Variants in NAALADL2 observed in about 807,000 individuals in gnomAD.
The protein encoded by NAALADL2 is N-acetylated alpha-linked acidic dipeptidase like 2.
A neutral mutation model predicts 87.2 loss-of-function variants in NAALADL2; 76 were observed. That is an observed-to-expected ratio of 0.87 (90% CI 0.72 to 1.05). NAALADL2 has a LOEUF of 1.05. Ranked by LOEUF, NAALADL2 falls within the 50% of genes least tolerant of loss-of-function variation. The probability of loss-of-function intolerance (pLI) is 0.00; values close to 1 mark genes in which losing one functional copy is unlikely to be tolerated. For synonymous variants in NAALADL2, 354 were observed against 331.0 expected, an observed-to-expected ratio of 1.07 and a Z score of -0.75; for missense variants, 1,089 against 945.8, an observed-to-expected ratio of 1.15 and a Z score of -1.99.
chr3:175,788,121 C>G (rs115544317), intron 13 of NAALADL2, among the ~76,000 whole-genome samples: 1,648 of 123,508 alleles, frequency 0.013, 41 homozygotes, highest in African/African-American at 0.048. Flanking sequence ...GAGACAAGGT[C>G]TCACTTTGTC....
At chr3:174,592,037 G>T (rs1384697863) in intron 2 of NAALADL2, among the ~76,000 whole-genome samples, 3 of 151,986 alleles carry the variant, frequency 2.0e-5, no homozygotes, top group Admixed American at 2.0e-4. Flanking sequence ...TCATACGTGT[G>T]TGAGTTTTTT....
chr3:175,080,406 C>G lies in NAALADL2; in HGVS notation c.44-16384C>G, dbSNP rs1311101805. Among the ~76,000 whole-genome samples the G allele has an allele frequency of 1.3e-5, 2 of 152,330 alleles. 1 individual carries two copies. The highest frequency in any genetic ancestry group is 4.1e-4 in the South Asian group (2 of 4,828). On this transcript the variant is annotated intron_variant, in intron 1 of 13. Coordinates refer to ENST00000454872, the MANE Select transcript of NAALADL2 (RefSeq NM_207015.3). ...AGTAGTTTTCAGGTTTCCAACTTTA[C>G]CTTAATTCTAAACCGAATTTTCCAA...
At chr3:175,711,620 A>T (rs1475215076) in intron 11 of NAALADL2, among the ~76,000 whole-genome samples, 1 of 151,950 alleles carries the variant, frequency 6.6e-6, no homozygotes, top group Admixed American at 6.6e-5. Context: ...AGTTTACTCA[A>T]ATAATACATA....
chr3:174,510,291 T>C (rs1215552010), intron 1 of NAALADL2, among the ~76,000 whole-genome samples: 1 of 152,098 alleles, frequency 6.6e-6, no homozygotes, highest in Non-Finnish European at 1.5e-5. Context: ...CTGAAAAAAG[T>C]TTATGTTGAA....
chr3:175,785,916 T>C (rs1049765730), intron 13 of NAALADL2, among the ~76,000 whole-genome samples: 49 of 150,240 alleles, frequency 3.3e-4, no homozygotes, highest in Non-Finnish European at 5.9e-4. Context: ...ACAAAATCTC[T>C]CAGCATTTGC....
At chr3:174,470,525 GA>G (rs1331604522) in intron 1 of NAALADL2, among the ~76,000 whole-genome samples, 4 of 152,020 alleles carry the variant, frequency 2.6e-5, no homozygotes, top group Non-Finnish European at 5.9e-5. Flanking sequence ...ATTTGCTTTT[GA>G]AGTCTTAGTC....
rs1348930697 is a variant in NAALADL2, at chr3:174,444,624, AACATTGAGTCTC to A, written c.-184+3595_-184+3606del. On this transcript the variant is annotated intron_variant, in intron 1 of 3. Coordinates refer to the NAALADL2 transcript ENST00000434257. ...GAAGGGATCTGATGAGGAAGTTAGC[AACATTGAGTCTC>A]ACCTCCCGTGGAGCTTATAACTACA... Among the ~76,000 whole-genome samples the A allele has an allele frequency of 2.0e-5, 3 of 152,188 alleles. No homozygotes were observed. The East Asian group carries it at 5.8e-4, about 29-fold the overall frequency.
chr3:175,078,272 G>A (rs188879856), intron 1 of NAALADL2, among the ~76,000 whole-genome samples: 3 of 152,064 alleles, frequency 2.0e-5, no homozygotes, highest in Admixed American at 6.5e-5. Flanking sequence ...TGATCTGCCC[G>A]CATTGGCCTC....
chr3:175,309,067 G>A lies in NAALADL2; in HGVS notation c.940-15108G>A, dbSNP rs549712742. 1.4e-4 allele frequency among the ~76,000 whole-genome samples: 21 copies of A among 152,252 alleles called. 1 individual carries two copies. In the South Asian group the frequency reaches 2.5e-3, roughly 18 times the overall value. ...ACAATTAAATACATTAATTTCAAGA[G>A]GGGTTGAGAAATTACATCTCTGTGA... On this transcript the variant is annotated intron_variant, in intron 4 of 13. Transcript: ENST00000454872.
In NAALADL2 at chr3:175,189,787, T is replaced by G. The variant is rs558052324; in HGVS notation, c.546-44144T>G. 2.6e-5 allele frequency among the ~76,000 whole-genome samples: 4 copies of G among 152,272 alleles called. 1 individual carries two copies. Among genetic ancestry groups the G allele is most frequent in the Non-Finnish European group, 5.9e-5 (4 of 68,018 alleles). The stretch of plus-strand genomic sequence containing the variant: ...AATTCTGAGAAAGAAAAACAGCATT[T>G]GGGACATTACAATTCTTGATTTAAA... On this transcript the variant is annotated intron_variant, in intron 2 of 13. Transcript: ENST00000454872.
Position 175,543,309 on chromosome 3 carries a change from T to A in NAALADL2, c.1654-32732T>A, listed in dbSNP as rs76063328. Among the ~76,000 whole-genome samples the A allele has an allele frequency of 9.1e-3, 1,392 of 152,226 alleles. 41 individuals are homozygous for A. Among genetic ancestry groups the A allele is most frequent in the Admixed American group, 0.042 (637 of 15,278 alleles). On this transcript the variant is annotated intron_variant, in intron 9 of 13. Transcript: ENST00000454872. ...TCAGTAAAATTAAGTGTTTTAGACC[T>A]GCTGCAGTAAAAAATGAACACCATA...
chr3:174,458,797 T>G (rs1433376062), intron 1 of NAALADL2, among the ~76,000 whole-genome samples: 1 of 152,214 alleles, frequency 6.6e-6, no homozygotes. Context: ...AAACCAAACC[T>G]AATAGCCCAA....
chr3:174,578,615 A>G (rs560659502), intron 2 of NAALADL2, among the ~76,000 whole-genome samples: 107 of 152,126 alleles, frequency 7.0e-4, no homozygotes, highest in Admixed American at 1.3e-3. Flanking sequence ...AAGAAATGTT[A>G]AAGGAAATTC....
At chr3:175,295,925 A>C (rs1756303223) in intron 4 of NAALADL2, among the ~76,000 whole-genome samples, 1 of 151,384 alleles carries the variant, frequency 6.6e-6, no homozygotes, top group South Asian at 2.1e-4. Flanking sequence ...CCTCATGCCA[A>C]CCCAGGCTAG....
intron 2 of NAALADL2, among the ~76,000 whole-genome samples, chr3:174,706,633 T>C (rs1054285877): frequency 6.6e-6 from 1 of 152,230 alleles, no homozygotes; most frequent in African/African-American, 2.4e-5. Context: ...AGAAGCTCTT[T>C]AGTTTAATTA....
chr3:175,356,178 G>T (rs1764338136), intron 5 of NAALADL2, among the ~76,000 whole-genome samples: 2 of 152,110 alleles, frequency 1.3e-5, no homozygotes, highest in African/African-American at 4.8e-5. Context: ...GTGGTAAAAT[G>T]CAGAGGAAAA....
intron 11 of NAALADL2, among the ~76,000 whole-genome samples, chr3:175,725,055 C>T (rs1417529382): frequency 1.3e-5 from 2 of 151,866 alleles, no homozygotes; most frequent in African/African-American, 4.8e-5. Context: ...TATTAAATTC[C>T]TAAAGAGAAA....
Position 175,013,267 on chromosome 3 carries a change from T to TAAAA in NAALADL2, c.44-83523_44-83522insAAAA, listed in dbSNP as rs1560475961. Among the ~76,000 whole-genome samples the TAAAA allele has an allele frequency of 5.8e-3, 632 of 109,040 alleles. 20 individuals carry two copies. The highest frequency in any genetic ancestry group is 0.026 in the African/African-American group (601 of 23,356). 71.5% of individuals were successfully genotyped at this position (109,040 alleles called of 152,430 possible). A position where few individuals can be genotyped will look rare whatever the true frequency, so the allele number is the denominator to read the frequency against. ...TAAAATATATAATATACATATATTT[T>TAAAA]TATATATATACATATATATATATAT... On this transcript the variant is annotated intron_variant, in intron 1 of 13. Transcript: ENST00000454872.
chr3:174,829,299 T>C (rs1280298098), intron 3 of NAALADL2, among the ~76,000 whole-genome samples: 1 of 149,240 alleles, frequency 6.7e-6, no homozygotes, highest in African/African-American at 2.5e-5. Context: ...CAGAGTGTGA[T>C]GTTCCCCTTC....
Sources: gnomAD v4.1 joint callset for allele counts (sites outside exome capture counted in the v4.1 genomes callset) on GRCh38, gnomAD v4.1.1 for gene constraint, MANE v1.5 for transcripts, NCBI Gene and HGNC (gene_info 2026-07-23, HGNC 2026-07-21) for gene names.